MDGA2: variants seen among roughly 807,000 people sequenced by gnomAD.
MDGA2 encodes MAM domain-containing glycosylphosphatidylinositol anchor protein 2.
MDGA2 carries 40 observed loss-of-function variants against 117.8 expected under a neutral mutation model. That is an observed-to-expected ratio of 0.34 (90% CI 0.26 to 0.44). The LOEUF (loss-of-function observed/expected upper bound fraction) is 0.44. Among genes scored for constraint, MDGA2 ranks in the 20% least tolerant of loss-of-function variants. The pLI is 1.00. For missense variants in MDGA2, 1,123 were observed against 1,250.6 expected (o/e 0.90, Z 1.54); for synonymous variants, 452 against 439.0 (o/e 1.03, Z -0.37).
chr14:47,448,154 T>C (rs1254220502), intron 1 of MDGA2, among the ~76,000 whole-genome samples: 1 of 151,714 alleles, frequency 6.6e-6, no homozygotes, highest in Non-Finnish European at 1.5e-5. Flanking sequence ...TATTTTATTT[T>C]ATTTTATTTT....
intron 1 of MDGA2, among the ~76,000 whole-genome samples, chr14:47,498,547 A>C (rs917864322): frequency 1.3e-5 from 2 of 152,158 alleles, no homozygotes; most frequent in African/African-American, 4.8e-5. Context: ...CATTATAGGT[A>C]CAAGAGAAAT....
At chr14:47,288,081 A>C (rs1033406048) in intron 2 of MDGA2, among the ~76,000 whole-genome samples, 26 of 152,194 alleles carry the variant, frequency 1.7e-4, no homozygotes, top group East Asian at 1.9e-4. Flanking sequence ...TGTTTTAAGC[A>C]CTTTCTTTGT....
intron 1 of MDGA2, among the ~76,000 whole-genome samples, chr14:47,426,411 C>T (rs966819536): frequency 2.0e-5 from 3 of 151,722 alleles, no homozygotes; most frequent in Non-Finnish European, 4.4e-5. Context: ...TTTTTGAGCC[C>T]TTTCTTTTCT....
At chr14:47,286,524 T>C (rs1485408642) in intron 2 of MDGA2, among the ~76,000 whole-genome samples, 5 of 151,982 alleles carry the variant, frequency 3.3e-5, no homozygotes, top group African/African-American at 1.2e-4. Flanking sequence ...CATAATGCCC[T>C]CCAGTTCCAT....
chr14:47,496,155 A>G (rs1319526999), intron 1 of MDGA2, among the ~76,000 whole-genome samples: 1 of 152,178 alleles, frequency 6.6e-6, no homozygotes, highest in African/African-American at 2.4e-5. Context: ...GAACCAAATG[A>G]ATGAATGAGT....
At chr14:46,904,325 T>A (rs1883406126) in intron 10 of MDGA2, among the ~76,000 whole-genome samples, 1 of 145,894 alleles carries the variant, frequency 6.9e-6, no homozygotes, top group Admixed American at 7.0e-5. Context: ...TGAGCCGAGA[T>A]CATACCTGTG....
chr14:47,134,542 A>C (rs182631613), intron 4 of MDGA2, among the ~76,000 whole-genome samples: 1 of 152,068 alleles, frequency 6.6e-6, no homozygotes, highest in African/African-American at 2.4e-5. Context: ...GTTTGGAAGG[A>C]AATTTGAACT....
At chr14:46,948,000 A>T (rs1206104690) in intron 9 of MDGA2, among the ~76,000 whole-genome samples, 2 of 151,820 alleles carry the variant, frequency 1.3e-5, no homozygotes, top group Non-Finnish European at 2.9e-5. Context: ...GAGTTCCTCT[A>T]TGACATCTTT....
chr14:47,463,504 C>G lies in MDGA2; in HGVS notation c.281-161954G>C, dbSNP rs1566469852. 2.6e-5 allele frequency among the ~76,000 whole-genome samples: 4 copies of G among 152,032 alleles called. No individual in the cohort carries two copies. In the South Asian group the frequency reaches 8.3e-4, roughly 32 times the overall value. ...ATTGTGTATCATGCAAATGAAGCAC[C>G]TGATGAAAAATAAAGTCAATTGGGT... On this transcript the variant is annotated intron_variant, in intron 1 of 16. Transcript: ENST00000399232.
intron 2 of MDGA2, among the ~76,000 whole-genome samples, chr14:47,229,919 T>C (rs1886632579): frequency 6.6e-6 from 1 of 152,014 alleles, no homozygotes. Context: ...CTGATGTAAA[T>C]TTGGCACTTT....
chr14:47,108,149 G>A (rs944603644), intron 5 of MDGA2, among the ~76,000 whole-genome samples: 2 of 151,960 alleles, frequency 1.3e-5, no homozygotes, highest in East Asian at 1.9e-4. Flanking sequence ...AAAAAGGACT[G>A]GACAATACTT....
intron 3 of MDGA2, among the ~76,000 whole-genome samples, chr14:47,160,331 T>C (rs774003058): frequency 1.3e-5 from 2 of 152,198 alleles, no homozygotes; most frequent in African/African-American, 4.8e-5. Context: ...CGGGCTTTTT[T>C]GGTTATTCTC....
chr14:47,175,344 C>A (rs12891921), intron 3 of MDGA2, among the ~76,000 whole-genome samples: 57,992 of 150,402 alleles, frequency 0.39, 11,621 homozygotes, highest in African/African-American at 0.5. Context: ...GAGACACAAC[C>A]AAAAAAGAGA....
At chr14:46,938,026 C>A (rs1884844826) in intron 9 of MDGA2, among the ~76,000 whole-genome samples, 1 of 152,018 alleles carries the variant, frequency 6.6e-6, no homozygotes, top group Non-Finnish European at 1.5e-5. Flanking sequence ...TGCAGAATGG[C>A]AGAAAATATT....
chr14:47,575,055 C>T (rs571014539), intron 1 of MDGA2, among the ~76,000 whole-genome samples: 1 of 152,278 alleles, frequency 6.6e-6, no homozygotes, highest in African/African-American at 2.4e-5. Context: ...ATTTTTGGAA[C>T]ACCCATGGCT....
chr14:47,143,927 T>C, intron 4 of MDGA2, 151 bp downstream of exon 4: 1 of 478,154 alleles, frequency 2.1e-6, no homozygotes, highest in Non-Finnish European at 3.6e-6. Context: ...CCTTTATATT[T>C]AAGTTCTCTA....
intron 1 of MDGA2, among the ~76,000 whole-genome samples, chr14:47,359,436 A>G (rs984804253): frequency 5.9e-5 from 9 of 152,172 alleles, no homozygotes; most frequent in African/African-American, 2.2e-4. Flanking sequence ...GTGCTGCCAT[A>G]AAAACCAACA....
intron 1 of MDGA2, among the ~76,000 whole-genome samples, chr14:47,359,486 C>T (rs184203110): frequency 1.3e-3 from 202 of 152,124 alleles, no homozygotes; most frequent in African/African-American, 4.4e-3. Flanking sequence ...CAGAAACAAA[C>T]TCAAGCATAT....
chr14:47,543,594 A>C lies in MDGA2; in HGVS notation c.280+130923T>G, dbSNP rs1392730748. Among the ~76,000 whole-genome samples the C allele has an allele frequency of 2.6e-5, 4 of 152,314 alleles. No individual in the cohort carries two copies. The East Asian group carries it at 7.7e-4, about 29-fold the overall frequency. On this transcript the variant is annotated intron_variant, in intron 1 of 16. Transcript: ENST00000399232. ...ATTTTCTAGTTTTTCCACATGGTTA[A>C]TAAGTTAATGACCCTTGTTCTTGCC...
Sources: gnomAD v4.1 joint callset for allele counts (sites outside exome capture counted in the v4.1 genomes callset) on GRCh38, gnomAD v4.1.1 for gene constraint, MANE v1.5 for transcripts, NCBI Gene and HGNC (gene_info 2026-07-23, HGNC 2026-07-21) for gene names.